Variants in KMT2C observed in about 807,000 individuals in gnomAD.
KMT2C encodes lysine methyltransferase 2C.
Under a neutral mutation model 507.9 loss-of-function variants are expected in KMT2C, and 88 were observed. The ratio of observed to expected loss-of-function variants is 0.17; its 90% CI spans 0.15 to 0.21. KMT2C has a LOEUF of 0.21. Among genes scored for constraint, KMT2C ranks in the 10% least tolerant of loss-of-function variants. The pLI is 1.00. For synonymous variants in KMT2C, 2,049 were observed against 2,080.8 expected (o/e 0.98, Z 0.42); for missense variants, 4,954 against 5,957.8 (o/e 0.83, Z 5.55).
At position 152,404,169 on chromosome 7, in the gene KMT2C, T is replaced by C. The variant is rs1013348981; in HGVS notation, c.161+31457A>G. On this transcript the variant is annotated intron_variant, in intron 1 of 58. Coordinates refer to ENST00000262189, the MANE Select transcript of KMT2C (RefSeq NM_170606.3). ...TAGACTTTTTTCAACCATGTACATA[T>C]ATTACTATGCAAAGTTTTTAAATGG... 2.6e-5 allele frequency among the ~76,000 whole-genome samples: 4 copies of C among 151,554 alleles called. No individual in the cohort carries two copies. In the South Asian group the frequency reaches 6.5e-4, roughly 25 times the overall value.
chr7:152,154,023 G>T lies in KMT2C; in HGVS notation c.12263C>A (p.Pro4088His). The T allele has an allele frequency of 6.2e-7, 1 of 1,613,762 alleles. No individual in the cohort carries two copies. Among genetic ancestry groups the T allele is most frequent in the Non-Finnish European group, 8.5e-7 (1 of 1,179,900 alleles). The change falls in exon 48 of 59, where the codon CCT (proline) becomes CAT (histidine). Residue 4088 changes from proline to histidine, a missense_variant. Coordinates refer to ENST00000262189, the MANE Select transcript of KMT2C (RefSeq NM_170606.3). ...GLISVAITLH[P>H]TAAENISSVV... ...TTAATCTTTTACCTCAGCAGCTGTA[G>T]GATGCAGAGTAATTGCTACAGATAT...
rs767723645 is a variant in KMT2C at position 152,152,727 on chromosome 7, T to C, written c.12504A>G (p.Val4168=). 1.2e-5 allele frequency: 20 copies of C among 1,614,162 alleles called. No homozygotes were observed. Among genetic ancestry groups the C allele is most frequent in the Non-Finnish European group, 1.7e-5 (20 of 1,180,022 alleles). The change falls in exon 49 of 59, where the codon GTA becomes GTG. Residue 4168 remains valine (V), a synonymous_variant. Coordinates refer to ENST00000262189, the MANE Select transcript of KMT2C (RefSeq NM_170606.3). ...VSSYRLKQPN[V]PFPPTSNGLS... is the part of the protein sequence containing the mutation. ...CACCATTGCTTGTTGGAGGAAATGG[T>C]ACATTAGGCTGCTTCAGCCGGTAAG...
intron 23 of KMT2C, chr7:152,220,149 T>C (rs1270975593): frequency 1.0e-5 from 2 of 200,772 alleles, no homozygotes; most frequent in Non-Finnish European, 2.0e-5. Flanking sequence ...CTTTTCCATT[T>C]CTAGAATGTA....
chr7:152,262,736 G>A (rs1363184182), intron 9 of KMT2C, among the ~76,000 whole-genome samples: 1 of 152,196 alleles, frequency 6.6e-6, no homozygotes, highest in Admixed American at 6.5e-5. Flanking sequence ...ATTCTAGGAA[G>A]TGAATACTAA....
intron 6 of KMT2C, among the ~76,000 whole-genome samples, chr7:152,284,383 A>G (rs1190490745): frequency 3.3e-5 from 5 of 152,142 alleles, no homozygotes; most frequent in Non-Finnish European, 5.9e-5. Context: ...TGATGCTGGA[A>G]CTGCTAAATA....
chr7:152,317,423 A>G (rs1457358400), intron 3 of KMT2C, among the ~76,000 whole-genome samples: 1 of 152,172 alleles, frequency 6.6e-6, no homozygotes, highest in Non-Finnish European at 1.5e-5. Flanking sequence ...CAACCAGAGA[A>G]TCTGCAAATT....
Position 152,200,328 on chromosome 7 carries a change from TTACAAAA to T in KMT2C, c.4093-876_4093-870del, listed in dbSNP as rs66944890. ...ACTATCCAAATTATAGACACTTATA[TTACAAAA>T]TACAACAATTTTTTAAAAGTATATA... On this transcript the variant is annotated intron_variant, in intron 26 of 58. Coordinates refer to ENST00000262189, the MANE Select transcript of KMT2C (RefSeq NM_170606.3). Among the ~76,000 whole-genome samples the T allele has an allele frequency of 9.4e-3, 1,437 of 152,328 alleles. 26 individuals are homozygous for T. Among genetic ancestry groups the T allele is most frequent in the African/African-American group, 0.033 (1,381 of 41,574 alleles).
At chr7:152,207,789 C>G (rs1181546860) in intron 23 of KMT2C, among the ~76,000 whole-genome samples, 1 of 152,134 alleles carries the variant, frequency 6.6e-6, no homozygotes, top group Non-Finnish European at 1.5e-5. Context: ...TTGAATATTA[C>G]CTAGTTACTG....
At chr7:152,434,718 A>C (rs2097899591) in intron 1 of KMT2C, among the ~76,000 whole-genome samples, 1 of 152,162 alleles carries the variant, frequency 6.6e-6, no homozygotes, top group African/African-American at 2.4e-5. Flanking sequence ...CTTAATTTAC[A>C]AGCAAAGCCG....
chr7:152,230,739 T>C (rs1426455577), intron 16 of KMT2C, among the ~76,000 whole-genome samples: 2 of 152,250 alleles, frequency 1.3e-5, no homozygotes, highest in Non-Finnish European at 2.9e-5. Flanking sequence ...CATAATTACA[T>C]ATTACGTGTT....
chr7:152,170,318 G>C (rs553355658), intron 40 of KMT2C, among the ~76,000 whole-genome samples: 39 of 151,886 alleles, frequency 2.6e-4, no homozygotes, highest in African/African-American at 8.2e-4. Context: ...GGCAGGGCAA[G>C]GAAGAAAACA....
chr7:152,393,898 C>CAAAA lies in KMT2C; in HGVS notation c.162-35227_162-35224dup, dbSNP rs745616896. ...GGCAACAAGAAGCAAAACTCCATCT[C>CAAAA]AAAAAAAAAAAAAAAAAAAAAATCT... On this transcript the variant is annotated intron_variant, in intron 1 of 58. Coordinates refer to ENST00000262189, the MANE Select transcript of KMT2C (RefSeq NM_170606.3). Among the ~76,000 whole-genome samples, 3 of 65,298 alleles carry CAAAA rather than the reference C, an allele frequency of 4.6e-5. 1 individual carries two copies. The highest frequency in any genetic ancestry group is 1.6e-4 in the African/African-American group (3 of 19,352). The allele number at this position is 65,298 out of a possible 152,430, so 42.8% of individuals were successfully genotyped here. A position where few individuals can be genotyped will look rare whatever the true frequency, so the allele number is the denominator to read the frequency against.
intron 58 of KMT2C, chr7:152,137,300 G>T: frequency 5.7e-6 from 1 of 174,992 alleles, no homozygotes; most frequent in Non-Finnish European, 1.2e-5. Flanking sequence ...ACTGAATGGG[G>T]CATGCAATTC....
rs562210559 is a variant in KMT2C at position 152,358,904 on chromosome 7, A to G, written c.162-229T>C. Among the ~76,000 whole-genome samples, 4 of 152,324 alleles carry G rather than the reference A, an allele frequency of 2.6e-5. No individual in the cohort carries two copies. The South Asian group carries it at 6.2e-4, about 24-fold the overall frequency. The stretch of plus-strand genomic sequence containing the variant: ...AATGTGAGGACAGACCCACATGAAT[A>G]TAATTGTGTCCTCATAATTCACTTA... On this transcript the variant is annotated intron_variant, in intron 1 of 58. Coordinates refer to ENST00000262189, the MANE Select transcript of KMT2C (RefSeq NM_170606.3).
chr7:152,180,235 G>A (rs986947666), intron 36 of KMT2C, 109 bp from the exon 37 acceptor site: 5 of 1,211,352 alleles, frequency 4.1e-6, no homozygotes, highest in African/African-American at 1.5e-5. Context: ...TGCCCAGGCT[G>A]GCCTCAAATT....
chr7:152,342,981 A>G (rs954971478), intron 2 of KMT2C, among the ~76,000 whole-genome samples: 2 of 152,140 alleles, frequency 1.3e-5, no homozygotes, highest in African/African-American at 2.4e-5. Flanking sequence ...GGTGGGGAGG[A>G]AGAGTAAAAA....
chr7:152,343,557 T>C lies in KMT2C; in HGVS notation c.251-12818A>G, dbSNP rs543495878. On this transcript the variant is annotated intron_variant, in intron 2 of 58. Coordinates refer to ENST00000262189, the MANE Select transcript of KMT2C (RefSeq NM_170606.3). ...CAAAAGAGAGGAAGAAGAAGAAATA[T>C]TCCTCAAATTAATCTCAGAAACCAA... is the stretch of plus-strand genomic sequence containing the variant. Among the ~76,000 whole-genome samples, 4 of 150,730 alleles carry C rather than the reference T, an allele frequency of 2.7e-5. No homozygotes were observed. The South Asian group carries it at 8.3e-4, about 31-fold the overall frequency.
At position 152,187,851 on chromosome 7, in the gene KMT2C, C is replaced by G. The variant is rs1443891231; in HGVS notation, c.4661-4G>C. 1 of 1,612,108 alleles carries G rather than the reference C, an allele frequency of 6.2e-7. No individual in the cohort carries two copies. The highest frequency in any genetic ancestry group is 1.3e-5 in the African/African-American group (1 of 74,860). On this transcript the variant is annotated splice_polypyrimidine_tract_variant and splice_region_variant and intron_variant, in intron 31 of 58. Transcript: ENST00000262189. Reference sequence around the variant, plus strand: ...AGAGGCATCCGTGAAAAAGCATCTTCAGAGAAAAAAATAATTCCGTTGGCA... The same window carrying G: ...AGAGGCATCCGTGAAAAAGCATCTTGAGAGAAAAAAATAATTCCGTTGGCA...
Position 152,177,564 on chromosome 7 carries a change from G to T in KMT2C, c.7889C>A (p.Pro2630Gln), listed in dbSNP as rs776739566. The change falls in exon 38 of 59, where the codon CCA (proline) becomes CAA (glutamine). Residue 2630 changes from proline (P) to glutamine (Q), a missense_variant. Physicochemically the swap from Pro to Gln is moderately conservative, Grantham distance 76. Transcript: ENST00000262189. ...AGAATGACCTTGCTCTTGTTGAGAT[G>T]GTGGCACTTGTTCCAAATCTGGGTG... ...PVHPDLEQVPPSQQEQGHSVH... is the reference protein window; with the variant it reads ...PVHPDLEQVPQSQQEQGHSVH... 6.2e-7 allele frequency: 1 copy of T among 1,614,194 alleles called. No individual in the cohort carries two copies. Among genetic ancestry groups the T allele is most frequent in the Admixed American group, 1.7e-5 (1 of 60,020 alleles).
Sources: gnomAD v4.1 joint callset for allele counts (sites outside exome capture counted in the v4.1 genomes callset) on GRCh38, gnomAD v4.1.1 for gene constraint, MANE v1.5 for transcripts, NCBI Gene and HGNC (gene_info 2026-07-23, HGNC 2026-07-21) for gene names.